CCZ1B: variants seen among roughly 807,000 people sequenced by gnomAD.
CCZ1B encodes vacuolar fusion protein CCZ1 homolog B.
CCZ1B carries 25 observed loss-of-function variants against 58.8 expected under a neutral mutation model. That is an observed-to-expected ratio of 0.43 (90% CI 0.31 to 0.59). CCZ1B has a LOEUF of 0.59. Among genes scored for constraint, CCZ1B ranks in the 20% least tolerant of loss-of-function variants. The pLI, the probability that CCZ1B is intolerant of heterozygous loss-of-function variation, is 0.12. For missense variants in CCZ1B, 180 were observed against 501.5 expected (o/e 0.36, Z 6.12); for synonymous variants, 66 against 173.2 (o/e 0.38, Z 4.86).
chr7:6,820,876 T>A (rs1783097868), intron 6 of CCZ1B, among the ~76,000 whole-genome samples: 1 of 144,250 alleles, frequency 6.9e-6, no homozygotes, highest in Admixed American at 6.9e-5. Flanking sequence ...GATCACACCA[T>A]TGCACTCTAG....
intron 7 of CCZ1B, among the ~76,000 whole-genome samples, chr7:6,818,458 A>G (rs1783043791): frequency 6.7e-6 from 1 of 149,248 alleles, no homozygotes; most frequent in African/African-American, 2.5e-5. Flanking sequence ...CTGAGGCAGG[A>G]GAATCGCTTG....
chr7:6,821,754 A>C (rs1257014654), intron 6 of CCZ1B, among the ~76,000 whole-genome samples: 6 of 151,186 alleles, frequency 4.0e-5, no homozygotes, highest in Non-Finnish European at 8.8e-5. Context: ...GAGCTTGACA[A>C]GGTAGGGTGA....
chr7:6,820,915 C>CAAA (rs377633614), intron 6 of CCZ1B, among the ~76,000 whole-genome samples: 10 of 100,250 alleles, frequency 1.0e-4, no homozygotes, highest in Admixed American at 3.9e-4. Flanking sequence ...GACTCTGTCT[C>CAAA]AAAAAAAAAA....
chr7:6,825,881 G>A (rs1443097763), intron 1 of CCZ1B, among the ~76,000 whole-genome samples, 197 bp downstream of exon 1: 854 of 77,794 alleles, frequency 0.011, no homozygotes, highest in African/African-American at 0.022. Flanking sequence ...ATATAGACCC[G>A]ACGGGGCTTT....
intron 6 of CCZ1B, among the ~76,000 whole-genome samples, chr7:6,821,829 T>C (rs1285402037): frequency 3.3e-5 from 5 of 150,350 alleles, no homozygotes; most frequent in Admixed American, 6.6e-5. Context: ...CAATCGCTAA[T>C]CTGACAAAGT....
chr7:6,823,369 G>T lies in CCZ1B; in HGVS notation c.391-9C>A, dbSNP rs1185613847. 6.2e-7 allele frequency: 1 copy of T among 1,607,428 alleles called. No individual in the cohort carries two copies. Among genetic ancestry groups the T allele is most frequent in the African/African-American group, 1.4e-5 (1 of 72,368 alleles). ...GAGCTATAAACCTTGTCCTGCAGAC[G>T]CGAAAACACAGCACACAGCTCAGTT... On this transcript the variant is annotated splice_polypyrimidine_tract_variant and intron_variant, in intron 4 of 14. Transcript: ENST00000316731.
intron 9 of CCZ1B, chr7:6,812,646 G>C (rs1782935334): frequency 8.1e-6 from 4 of 494,514 alleles, no homozygotes; most frequent in African/African-American, 3.9e-5. Context: ...TAATAGGCCA[G>C]GCATGGTGGA....
At chr7:6,823,785 C>T in intron 4 of CCZ1B, 1 of 403,848 alleles carries the variant, frequency 2.5e-6, no homozygotes, top group Non-Finnish European at 4.3e-6. Flanking sequence ...TCCCAAAGTA[C>T]TAGGATTACA....
intron 7 of CCZ1B, among the ~76,000 whole-genome samples, chr7:6,818,547 G>T (rs58962268): frequency 0.045 from 6,274 of 138,804 alleles, 20 homozygotes; most frequent in East Asian, 0.23. Flanking sequence ...GACTCCGTTA[G>T]AAAGAAAGAA....
At position 6,804,985 on chromosome 7, in the gene CCZ1B, C is replaced by A; in HGVS notation, c.1059G>T (p.Leu353=). 1 of 1,404,730 alleles carries A rather than the reference C, an allele frequency of 7.1e-7. No individual in the cohort carries two copies. Among genetic ancestry groups the A allele is most frequent in the Non-Finnish European group, 9.4e-7 (1 of 1,061,634 alleles). 87.0% of individuals were successfully genotyped at this position (1,404,730 alleles called of 1,614,324 possible). The change falls in exon 12 of 15, where the codon CTG becomes CTT. Residue 353 remains leucine, a synonymous_variant. Coordinates refer to ENST00000316731, the MANE Select transcript of CCZ1B (RefSeq NM_198097.5). ...TAAACTGTTCACAGATGTCAGAGGC[C>A]AGCACTGTGAGCTGGGGCCCAACGA... The part of the protein sequence containing the change: ...DSIVGPQLTV[L]ASDICEQFNI...
intron 7 of CCZ1B, among the ~76,000 whole-genome samples, chr7:6,818,197 C>T (rs1162035544): frequency 1.3e-5 from 2 of 149,600 alleles, no homozygotes; most frequent in Admixed American, 6.6e-5. Context: ...CTAGTTTTGC[C>T]TTTTCTATTA....
At chr7:6,818,593 C>CAGAA (rs796919882) in intron 7 of CCZ1B, among the ~76,000 whole-genome samples, 1 of 105,826 alleles carries the variant, frequency 9.4e-6, no homozygotes, top group Non-Finnish European at 1.9e-5. Flanking sequence ...GAAAGACAGA[C>CAGAA]AGAAAGAAAG....
At chr7:6,821,039 T>TG (rs1783101799) in intron 6 of CCZ1B, among the ~76,000 whole-genome samples, 1 of 148,384 alleles carries the variant, frequency 6.7e-6, no homozygotes, top group South Asian at 2.2e-4. Flanking sequence ...GATGGAGTCT[T>TG]GGTCTGTCAC....
At chr7:6,815,517 A>T (rs1782986529) in intron 7 of CCZ1B, among the ~76,000 whole-genome samples, 1 of 148,914 alleles carries the variant, frequency 6.7e-6, no homozygotes, top group African/African-American at 2.5e-5. Flanking sequence ...AGGCTGGATT[A>T]CAGTGGTGTG....
At chr7:6,820,560 C>T (rs1244717826) in intron 6 of CCZ1B, among the ~76,000 whole-genome samples, 4 of 148,408 alleles carry the variant, frequency 2.7e-5, no homozygotes. Context: ...CCGTGATTCT[C>T]GTGTCTAGGC....
At chr7:6,809,577 G>A (rs1256102530) in intron 10 of CCZ1B, among the ~76,000 whole-genome samples, 1 of 137,008 alleles carries the variant, frequency 7.3e-6, no homozygotes, top group African/African-American at 3.0e-5. Context: ...TACACAAACG[G>A]ACATTCTTCC....
In CCZ1B at chr7:6,809,346, G is replaced by A. The variant is rs1446962792; in HGVS notation, c.954+2606C>T. On this transcript the variant is annotated intron_variant, in intron 10 of 14. Coordinates refer to ENST00000316731, the MANE Select transcript of CCZ1B (RefSeq NM_198097.5). ...TGTAGGAGGGTGAGTTGTATGGTAC[G>A]TGCATTGTATCTCAAAGTCATTAAG... Among the ~76,000 whole-genome samples the A allele has an allele frequency of 3.2e-3, 398 of 123,268 alleles. 3 individuals carry two copies. Among genetic ancestry groups the A allele is most frequent in the African/African-American group, 0.013 (372 of 27,916 alleles). 80.9% of individuals were successfully genotyped at this position (123,268 alleles called of 152,430 possible).
In CCZ1B at chr7:6,824,534, G is replaced by C; in HGVS notation, c.233C>G (p.Ser78Ter). 3.1e-6 allele frequency: 5 copies of C among 1,609,130 alleles called. No individual in the cohort carries two copies. The highest frequency in any genetic ancestry group is 4.2e-6 in the Non-Finnish European group (5 of 1,179,174). Residue 78 changes from serine to a stop codon, truncating the protein, a stop_gained, in exon 3 of 15, where the codon TCA becomes TGA. Coordinates refer to ENST00000316731, the MANE Select transcript of CCZ1B (RefSeq NM_198097.5). LOFTEE classifies it high-confidence loss of function. ...IVQFTRTFSP[S>*]KPAKSLHTQK... ...TGTATGTAAAGATTTTGCAGGTTTT[G>C]ATGGGCTAAATGTCCTACAAAGGTT... is the stretch of plus-strand genomic sequence containing the variant.
intron 12 of CCZ1B, among the ~76,000 whole-genome samples, chr7:6,803,963 C>A (rs1466825714): frequency 1.4e-5 from 2 of 138,078 alleles, no homozygotes; most frequent in Admixed American, 7.4e-5. Context: ...AAAAAAAAAA[C>A]CCAAAAAACA....
Sources: allele counts gnomAD v4.1 joint callset (sites outside exome capture counted in the v4.1 genomes callset), GRCh38; gene constraint gnomAD v4.1.1; transcripts MANE v1.5; gene names NCBI Gene and HGNC (gene_info 2026-07-23, HGNC 2026-07-21).